The following WDR64 variants were observed in gnomAD, a reference collection of about 807,000 sequenced individuals.
WDR64 encodes WD repeat domain 64.
In WDR64, 112 loss-of-function variants were observed where a neutral mutation model predicts 139.3. That is an observed-to-expected ratio of 0.80 (90% CI 0.69 to 0.94). The LOEUF is 0.94. Ranked by LOEUF, WDR64 falls within the 40% of genes least tolerant of loss-of-function variation. The pLI, the probability that WDR64 is intolerant of heterozygous loss-of-function variation, is 0.00. For synonymous variants in WDR64, 444 were observed against 437.7 expected, an observed-to-expected ratio of 1.01 and a Z score of -0.18; for missense variants, 1,206 against 1,293.1, an observed-to-expected ratio of 0.93 and a Z score of 1.03.
chr1:241,786,706 C>A (rs1291447099), intron 23 of WDR64, among the ~76,000 whole-genome samples: 1 of 152,136 alleles, frequency 6.6e-6, no homozygotes, highest in Non-Finnish European at 1.5e-5. Flanking sequence ...TGAAAAGTAG[C>A]CAGCTGAGAT....
chr1:241,719,048 T>C (rs946845143), intron 9 of WDR64, among the ~76,000 whole-genome samples: 9 of 152,146 alleles, frequency 5.9e-5, no homozygotes, highest in Non-Finnish European at 5.9e-5. Flanking sequence ...TCTTAAGAAA[T>C]GGAAACCATC....
At chr1:241,679,634 T>C (rs1406363523) in intron 6 of WDR64, 39 bp downstream of exon 6, 1 of 1,517,064 alleles carries the variant, frequency 6.6e-7, no homozygotes, top group Non-Finnish European at 9.0e-7. Flanking sequence ...AATGAGATTG[T>C]CTTTTCAGTA....
chr1:241,663,895 C>T lies in WDR64; in HGVS notation c.276+3235C>T, dbSNP rs146443460. ...CCTTGGCCTGGGCCTAAAAGCAACA[C>T]TGCAGATGGAATCATAGCTATTTTT... On this transcript the variant is annotated intron_variant, in intron 2 of 27. Coordinates refer to ENST00000437684, the MANE Select transcript of WDR64 (RefSeq NM_001367482.1). Among the ~76,000 whole-genome samples the T allele has an allele frequency of 4.8e-3, 727 of 152,356 alleles. 4 individuals are homozygous for T. Among genetic ancestry groups the T allele is most frequent in the African/African-American group, 0.017 (699 of 41,586 alleles).
chr1:241,794,502 C>CTTTTTTTTTTTTTTTTTTTTTTTTTT (rs1659299229), intron 25 of WDR64, among the ~76,000 whole-genome samples: 1 of 105,024 alleles, frequency 9.5e-6, no homozygotes, highest in African/African-American at 4.0e-5. Context: ...TTAAGCTTTA[C>CTTTTTTTTTTTTTTTTTTTTTTTTTT]TGTTTTTTTT....
chr1:241,687,629 G>A, intron 8 of WDR64, 34 bp downstream of exon 8: 1 of 1,564,886 alleles, frequency 6.4e-7, no homozygotes, highest in South Asian at 1.2e-5. Context: ...TGAACAGTCT[G>A]TGAATTTCAA....
intron 8 of WDR64, among the ~76,000 whole-genome samples, chr1:241,689,769 C>T (rs1225218207): frequency 6.6e-6 from 1 of 151,952 alleles, no homozygotes; most frequent in Non-Finnish European, 1.5e-5. Flanking sequence ...GATGAAAATT[C>T]TAAGAATAAA....
intron 8 of WDR64, among the ~76,000 whole-genome samples, chr1:241,700,456 A>G (rs1319117699): frequency 6.6e-6 from 1 of 152,068 alleles, no homozygotes; most frequent in Non-Finnish European, 1.5e-5. Context: ...ACAACATTTG[A>G]GCAGAGATAT....
At chr1:241,710,149 G>C (rs1269354941) in intron 8 of WDR64, among the ~76,000 whole-genome samples, 1 of 151,948 alleles carries the variant, frequency 6.6e-6, no homozygotes, top group Non-Finnish European at 1.5e-5. Context: ...GTGTGTCTCA[G>C]TTCTGCAAGT....
chr1:241,760,341 ATATATT>A (rs1270524751), intron 15 of WDR64, among the ~76,000 whole-genome samples: 1 of 150,752 alleles, frequency 6.6e-6, no homozygotes, highest in Non-Finnish European at 1.5e-5. Context: ...ATATATATAT[ATATATT>A]TATATTTATA....
chr1:241,788,964 A>G (rs1298551660), intron 24 of WDR64, among the ~76,000 whole-genome samples: 2 of 152,178 alleles, frequency 1.3e-5, no homozygotes, highest in Non-Finnish European at 2.9e-5. Context: ...TACTTAAGAC[A>G]GGATTCTAAT....
chr1:241,745,386 C>G (rs1386507128), intron 13 of WDR64, among the ~76,000 whole-genome samples: 2 of 151,224 alleles, frequency 1.3e-5, no homozygotes, highest in Non-Finnish European at 3.0e-5. Context: ...AGAAAGCAGT[C>G]TTAACTGTTC....
intron 10 of WDR64, among the ~76,000 whole-genome samples, chr1:241,728,256 C>A (rs1306460358): frequency 6.6e-6 from 1 of 152,010 alleles, no homozygotes; most frequent in African/African-American, 2.4e-5. Flanking sequence ...TCGCTTGAAC[C>A]TGGGAGGTGG....
intron 8 of WDR64, among the ~76,000 whole-genome samples, chr1:241,691,880 G>A (rs961469235): frequency 6.6e-6 from 1 of 152,116 alleles, no homozygotes; most frequent in African/African-American, 2.4e-5. Flanking sequence ...AGGCATGATG[G>A]TGGGTGCCTA....
At position 241,782,482 on chromosome 1, in the gene WDR64, C is replaced by T. The variant is rs561677975; in HGVS notation, c.2596-790C>T. Reference sequence around the variant, plus strand: ...TCACATTACACTTCTAGGTAAATGACCCAGGACAAAGTAAGGTGTCAGTCC... The same window carrying T: ...TCACATTACACTTCTAGGTAAATGATCCAGGACAAAGTAAGGTGTCAGTCC... On this transcript the variant is annotated intron_variant, in intron 22 of 27. Coordinates refer to ENST00000437684, the MANE Select transcript of WDR64 (RefSeq NM_001367482.1). Among the ~76,000 whole-genome samples the T allele has an allele frequency of 4.6e-5, 7 of 152,206 alleles. No homozygotes were observed. The South Asian group carries it at 1.0e-3, about 23-fold the overall frequency.
intron 16 of WDR64, 49 bp downstream of exon 16, chr1:241,766,400 G>T: frequency 6.3e-7 from 1 of 1,578,492 alleles, no homozygotes; most frequent in Non-Finnish European, 8.6e-7. Context: ...ACTGCAGAAG[G>T]GCTCAGTAGC....
chr1:241,735,767 T>A (rs1241276419), intron 10 of WDR64, among the ~76,000 whole-genome samples: 2 of 151,206 alleles, frequency 1.3e-5, no homozygotes, highest in Admixed American at 6.6e-5. Flanking sequence ...ACTCCTGACC[T>A]CAAGTGATCC....
chr1:241,694,545 TTTAA>T (rs1285653060), intron 8 of WDR64, among the ~76,000 whole-genome samples: 42 of 152,318 alleles, frequency 2.8e-4, no homozygotes, highest in African/African-American at 1.0e-3. Flanking sequence ...TTCTGAAACA[TTTAA>T]TTAAGAAATA....
chr1:241,733,336 G>A (rs1281318995), intron 10 of WDR64, among the ~76,000 whole-genome samples: 1 of 152,058 alleles, frequency 6.6e-6, no homozygotes, highest in Non-Finnish European at 1.5e-5. Context: ...TTAGCTGGGT[G>A]TGGTGGCAGG....
Position 241,776,689 on chromosome 1 carries a change from G to T in WDR64, c.2536+1479G>T, listed in dbSNP as rs552571405. Among the ~76,000 whole-genome samples, 3 of 152,200 alleles carry T rather than the reference G, an allele frequency of 2.0e-5. No individual in the cohort carries two copies. The South Asian group carries it at 6.2e-4, about 32-fold the overall frequency. ...AGAAAGTTAAGATCAGTCAAATTTT[G>T]TTGCTTTCTAAAAATAGCCTGCTTA... On this transcript the variant is annotated intron_variant, in intron 21 of 27. Coordinates refer to ENST00000437684, the MANE Select transcript of WDR64 (RefSeq NM_001367482.1).
Sources: allele counts gnomAD v4.1 joint callset (sites outside exome capture counted in the v4.1 genomes callset), GRCh38; gene constraint gnomAD v4.1.1; transcripts MANE v1.5; gene names NCBI Gene and HGNC (gene_info 2026-07-23, HGNC 2026-07-21).